The following CDKAL1 variants were observed in gnomAD, a reference collection of about 807,000 sequenced individuals.
CDKAL1 encodes CDKAL1 threonylcarbamoyladenosine tRNA methylthiotransferase, also known as threonylcarbamoyladenosine tRNA methylthiotransferase.
In CDKAL1, 32 loss-of-function variants were observed where a neutral mutation model predicts 68.2. The observed-to-expected ratio is 0.47, with a 90% confidence interval of 0.35 to 0.63. The LOEUF (loss-of-function observed/expected upper bound fraction) is 0.63. Among genes scored for constraint, CDKAL1 ranks in the 30% least tolerant of loss-of-function variants. The pLI, the probability that CDKAL1 is intolerant of heterozygous loss-of-function variation, is 0.00. For synonymous variants in CDKAL1, 234 were observed against 244.3 expected (o/e 0.96, Z 0.39); for missense variants, 606 against 696.7 (o/e 0.87, Z 1.47).
chr6:21,080,661 C>T (rs182315358), intron 12 of CDKAL1, among the ~76,000 whole-genome samples: 440 of 152,324 alleles, frequency 2.9e-3, no homozygotes, highest in Non-Finnish European at 4.4e-3. Context: ...CCACAGAGCA[C>T]TGGCCCAACT....
chr6:20,951,957 C>CTTTT (rs10558500), intron 9 of CDKAL1, among the ~76,000 whole-genome samples: 5 of 91,796 alleles, frequency 5.4e-5, no homozygotes, highest in South Asian at 4.1e-4. Context: ...TTTTCATTTT[C>CTTTT]TTTTTTTTTT....
chr6:20,912,469 C>G (rs951038735), intron 9 of CDKAL1, among the ~76,000 whole-genome samples: 4 of 152,096 alleles, frequency 2.6e-5, no homozygotes, highest in East Asian at 1.9e-4. Context: ...ATGCAAGAGT[C>G]TAGACACATA....
At chr6:20,646,158 G>A (rs1475015897) in intron 4 of CDKAL1, among the ~76,000 whole-genome samples, 1 of 139,558 alleles carries the variant, frequency 7.2e-6, no homozygotes, top group Non-Finnish European at 1.5e-5. Flanking sequence ...CCAGGTTCAA[G>A]CAATTCTTCT....
chr6:20,899,779 G>T (rs1465821369), intron 9 of CDKAL1, among the ~76,000 whole-genome samples: 1 of 152,162 alleles, frequency 6.6e-6, no homozygotes, highest in Non-Finnish European at 1.5e-5. Flanking sequence ...GGAGGCAGAG[G>T]TTGCAGTGAG....
At position 20,787,119 on chromosome 6, in the gene CDKAL1, A is replaced by G. The variant is rs145302068; in HGVS notation, c.638+5854A>G. Among the ~76,000 whole-genome samples the G allele has an allele frequency of 1.6e-3, 251 of 152,272 alleles. 2 individuals are homozygous for G. Among genetic ancestry groups the G allele is most frequent in the African/African-American group, 5.9e-3 (246 of 41,562 alleles). ...TTAGAAATTACTGTCTGACCCTGTG[A>G]TATTTTACTGATACTTTATCTTTTA... is the stretch of plus-strand genomic sequence containing the variant. On this transcript the variant is annotated intron_variant, in intron 8 of 15. Coordinates refer to ENST00000274695, the MANE Select transcript of CDKAL1 (RefSeq NM_017774.3).
At chr6:21,082,998 C>T (rs1263861266) in intron 12 of CDKAL1, among the ~76,000 whole-genome samples, 2 of 151,646 alleles carry the variant, frequency 1.3e-5, no homozygotes, top group Admixed American at 6.6e-5. Flanking sequence ...CTCAGCCTCC[C>T]AAGTAGCTGG....
intron 14 of CDKAL1, among the ~76,000 whole-genome samples, chr6:21,198,686 G>GCAGACC (rs1372042048): frequency 4.6e-5 from 7 of 152,234 alleles, no homozygotes; most frequent in African/African-American, 1.4e-4. Flanking sequence ...AGACCAGTGT[G>GCAGACC]AGGATCAAAC....
intron 4 of CDKAL1, among the ~76,000 whole-genome samples, chr6:20,576,256 C>G (rs1278301361): frequency 6.6e-6 from 1 of 152,158 alleles, no homozygotes; most frequent in African/African-American, 2.4e-5. Flanking sequence ...CCTGGAGGCC[C>G]CAGCACATGT....
At position 21,198,037 on chromosome 6, in the gene CDKAL1, A is replaced by G; in HGVS notation, c.1316A>G (p.Gln439Arg). The G allele has an allele frequency of 6.2e-7, 1 of 1,603,520 alleles. No individual in the cohort carries two copies. Among genetic ancestry groups the G allele is most frequent in the Non-Finnish European group, 8.5e-7 (1 of 1,173,940 alleles). Reference protein sequence around the residue: ...PYDHKIGERQQVLVTEESFDS... With the variant: ...PYDHKIGERQRVLVTEESFDS... ...TCTCCACAGATTGGTGAAAGACAAC[A>G]AGTGTTAGTAACAGAAGAATCTTTT... The change falls in exon 14 of 16, where the codon CAA (glutamine) becomes CGA (arginine). Residue 439 changes from glutamine (Q) to arginine (R), a missense_variant. Gln to Arg is a conservative substitution (Grantham distance 43). Coordinates refer to ENST00000274695, the MANE Select transcript of CDKAL1 (RefSeq NM_017774.3).
chr6:21,092,063 T>A (rs1409966934), intron 12 of CDKAL1, among the ~76,000 whole-genome samples: 1 of 151,294 alleles, frequency 6.6e-6, no homozygotes, highest in Non-Finnish European at 1.5e-5. Flanking sequence ...ATTTTTTGTA[T>A]TTTTAGTAGA....
At chr6:20,769,844 G>A (rs1299619509) in intron 7 of CDKAL1, among the ~76,000 whole-genome samples, 1 of 152,140 alleles carries the variant, frequency 6.6e-6, no homozygotes, top group Non-Finnish European at 1.5e-5. Context: ...TGATTATGCA[G>A]CCAAGCAGCA....
At chr6:20,755,081 C>A (rs1419073489) in intron 6 of CDKAL1, among the ~76,000 whole-genome samples, 1 of 152,116 alleles carries the variant, frequency 6.6e-6, no homozygotes, top group Non-Finnish European at 1.5e-5. Flanking sequence ...AAACATTTTT[C>A]TTTATGGTTT....
intron 7 of CDKAL1, among the ~76,000 whole-genome samples, chr6:20,765,583 A>G (rs987763074): frequency 2.1e-4 from 32 of 152,168 alleles, no homozygotes; most frequent in Non-Finnish European, 2.2e-4. Context: ...ATCTACATAC[A>G]TTATTTCTAG....
At chr6:20,559,986 A>C (rs562234569) in intron 4 of CDKAL1, among the ~76,000 whole-genome samples, 1 of 152,236 alleles carries the variant, frequency 6.6e-6, no homozygotes, top group Admixed American at 6.5e-5. Flanking sequence ...GTCTTCTTTA[A>C]TTTTGGGGAG....
chr6:20,877,883 C>T (rs1199958951), intron 9 of CDKAL1, among the ~76,000 whole-genome samples: 1 of 152,126 alleles, frequency 6.6e-6, no homozygotes, highest in Non-Finnish European at 1.5e-5. Flanking sequence ...CTATTTCTAG[C>T]CTTAGCCCTA....
intron 11 of CDKAL1, among the ~76,000 whole-genome samples, chr6:21,038,409 A>T (rs1027214055): frequency 2.6e-5 from 4 of 152,224 alleles, no homozygotes; most frequent in Admixed American, 2.0e-4. Context: ...AGCACACAGC[A>T]GGGCTGGGGG....
intron 11 of CDKAL1, among the ~76,000 whole-genome samples, chr6:21,056,661 G>T (rs1052554109): frequency 8.3e-4 from 127 of 152,270 alleles, no homozygotes; most frequent in African/African-American, 3.0e-3. Flanking sequence ...CTGTGGGTTT[G>T]TCATAAATGG....
At chr6:21,060,806 A>C (rs1214964200) in intron 11 of CDKAL1, among the ~76,000 whole-genome samples, 3 of 152,060 alleles carry the variant, frequency 2.0e-5, no homozygotes, top group Non-Finnish European at 4.4e-5. Context: ...ACAGGATAAG[A>C]ATTATTTATT....
chr6:20,717,540 CCTT>C (rs1358848790), intron 5 of CDKAL1, among the ~76,000 whole-genome samples: 1 of 151,894 alleles, frequency 6.6e-6, no homozygotes, highest in African/African-American at 2.4e-5. Context: ...AACAGCGGTT[CCTT>C]CTTCTTGTTT....
Sources: gnomAD v4.1 joint callset for allele counts (sites outside exome capture counted in the v4.1 genomes callset) on GRCh38, gnomAD v4.1.1 for gene constraint, MANE v1.5 for transcripts, NCBI Gene and HGNC (gene_info 2026-07-23, HGNC 2026-07-21) for gene names.